TMEM178B: variants seen among roughly 807,000 people sequenced by gnomAD.
TMEM178B encodes the protein transmembrane protein 178B.
TMEM178B carries 5 observed loss-of-function variants against 31.0 expected under a neutral mutation model. The observed-to-expected ratio is 0.16, with a 90% CI of 0.08 to 0.34. The LOEUF is 0.34. TMEM178B is among the 10% of genes least tolerant of loss of function. TMEM178B has a pLI of 1.00. For missense variants in TMEM178B, 275 were observed against 400.3 expected (o/e 0.69, Z 2.67); for synonymous variants, 164 against 164.0 (o/e 1.00, Z 0.00).
intron 1 of TMEM178B, among the ~76,000 whole-genome samples, chr7:141,126,444 T>A (rs1278090249): frequency 6.6e-6 from 1 of 152,266 alleles, no homozygotes; most frequent in East Asian, 1.9e-4. Context: ...GAACCCTTTC[T>A]TAAGATGCAG....
intron 2 of TMEM178B, among the ~76,000 whole-genome samples, chr7:141,335,669 C>T (rs879788294): frequency 2.6e-5 from 4 of 152,196 alleles, no homozygotes; most frequent in Non-Finnish European, 4.4e-5. Context: ...CACCTCTCCC[C>T]CATTAGCGCA....
At chr7:141,373,283 T>C (rs950665198) in intron 2 of TMEM178B, among the ~76,000 whole-genome samples, 2 of 152,136 alleles carry the variant, frequency 1.3e-5, no homozygotes, top group Admixed American at 1.3e-4. Flanking sequence ...AGGTTACAGA[T>C]GAGATGAAGT....
chr7:141,100,150 C>G (rs1795030818), intron 1 of TMEM178B, among the ~76,000 whole-genome samples: 1 of 152,098 alleles, frequency 6.6e-6, no homozygotes, highest in African/African-American at 2.4e-5. Context: ...GACTGCAATC[C>G]TAATCACCTG....
chr7:141,330,887 G>A (rs1035253433), intron 2 of TMEM178B, among the ~76,000 whole-genome samples: 2 of 152,214 alleles, frequency 1.3e-5, no homozygotes, highest in Non-Finnish European at 2.9e-5. Context: ...GAAGGTAGCA[G>A]TGGAGGTCAT....
chr7:141,500,153 T>C, the TMEM178B span, among the ~76,000 whole-genome samples: 1 of 152,234 alleles, frequency 6.6e-6, no homozygotes, highest in Admixed American at 6.5e-5. Context: ...CTTGTTACTA[T>C]TTAACCAAAA....
At chr7:141,511,283 G>A in the TMEM178B span, among the ~76,000 whole-genome samples, 1 of 37,508 alleles carries the variant, frequency 2.7e-5, no homozygotes, top group African/African-American at 8.2e-5. Flanking sequence ...AGTCTCAGAT[G>A]TGGCCCAGAA....
intron 2 of TMEM178B, among the ~76,000 whole-genome samples, chr7:141,359,637 G>A (rs1235659517): frequency 6.6e-6 from 1 of 152,064 alleles, no homozygotes; most frequent in African/African-American, 2.4e-5. Flanking sequence ...TTGTGAATAG[G>A]GAGTGCATTT....
chr7:141,211,632 A>G (rs1797054722), intron 1 of TMEM178B, among the ~76,000 whole-genome samples: 1 of 152,182 alleles, frequency 6.6e-6, no homozygotes, highest in Non-Finnish European at 1.5e-5. Context: ...GCAAGCGTCA[A>G]TAGATATGGC....
chr7:141,494,291 T>C, the TMEM178B span, among the ~76,000 whole-genome samples: 16 of 152,304 alleles, frequency 1.1e-4, no homozygotes, highest in South Asian at 3.1e-3. Flanking sequence ...ACTTTATAAC[T>C]ATTATATACA....
intron 2 of TMEM178B, among the ~76,000 whole-genome samples, chr7:141,239,481 G>T (rs951219993): frequency 2.0e-5 from 3 of 152,172 alleles, no homozygotes; most frequent in Non-Finnish European, 4.4e-5. Context: ...CTGTCATTGG[G>T]TGCCAGCCAT....
At chr7:141,186,251 A>T (rs769817194) in intron 1 of TMEM178B, among the ~76,000 whole-genome samples, 1 of 152,200 alleles carries the variant, frequency 6.6e-6, no homozygotes, top group African/African-American at 2.4e-5. Flanking sequence ...GGTGGTGCCA[A>T]TAGCCCTGGT....
the TMEM178B span, among the ~76,000 whole-genome samples, chr7:141,486,345 A>G: frequency 6.6e-6 from 1 of 152,220 alleles, no homozygotes; most frequent in African/African-American, 2.4e-5. Flanking sequence ...CCCTGACTTC[A>G]TCGCTAATCA....
chr7:141,346,065 C>T (rs1486067182), intron 2 of TMEM178B, among the ~76,000 whole-genome samples: 2 of 151,764 alleles, frequency 1.3e-5, no homozygotes, highest in Non-Finnish European at 2.9e-5. Context: ...ACTAAAAATA[C>T]AAAAAATTAG....
In TMEM178B at chr7:141,400,618, C is replaced by T. The variant is rs149303941; in HGVS notation, c.497-36990C>T. 3.1e-3 allele frequency among the ~76,000 whole-genome samples: 466 copies of T among 152,284 alleles called. 3 individuals carry two copies. Among genetic ancestry groups the T allele is most frequent in the Admixed American group, 5.4e-3 (82 of 15,292 alleles). Reference sequence around the variant, plus strand: ...CTTTACATCAGAGTTAAGTCTTTCACGTAATTCTGTCAAAAGGTGTTTAAA... The same window carrying T: ...CTTTACATCAGAGTTAAGTCTTTCATGTAATTCTGTCAAAAGGTGTTTAAA... On this transcript the variant is annotated intron_variant, in intron 2 of 3. Coordinates refer to ENST00000565468, the MANE Select transcript of TMEM178B (RefSeq NM_001195278.2).
intron 2 of TMEM178B, among the ~76,000 whole-genome samples, chr7:141,302,165 A>T (rs1798738671): frequency 6.6e-6 from 1 of 152,230 alleles, no homozygotes; most frequent in Non-Finnish European, 1.5e-5. Context: ...AAGGTTTTAT[A>T]ACTACTAGTC....
intron 1 of TMEM178B, among the ~76,000 whole-genome samples, chr7:141,116,584 A>T (rs986914071): frequency 6.6e-6 from 1 of 151,906 alleles, no homozygotes; most frequent in East Asian, 1.9e-4. Flanking sequence ...TGTTACATAC[A>T]TATACACGTG....
At chr7:141,180,088 G>A (rs944674702) in intron 1 of TMEM178B, among the ~76,000 whole-genome samples, 1 of 152,188 alleles carries the variant, frequency 6.6e-6, no homozygotes, top group East Asian at 1.9e-4. Flanking sequence ...CCGTGACACA[G>A]TATAGAGAGA....
At chr7:141,127,649 C>T (rs933400353) in intron 1 of TMEM178B, among the ~76,000 whole-genome samples, 9 of 152,160 alleles carry the variant, frequency 5.9e-5, no homozygotes, top group Non-Finnish European at 8.8e-5. Context: ...TTGATTTGGG[C>T]TTCTGGCCTC....
Position 141,455,100 on chromosome 7 carries a change from C to A in TMEM178B, c.635-15436C>A, listed in dbSNP as rs140911366. ...GTTTAGTCCCTGACCTGTTGAGAAG[C>A]TACAGGGATTCTCATTGAAAGAGAT... is the stretch of plus-strand genomic sequence containing the variant. On this transcript the variant is annotated intron_variant, in intron 3 of 3. Transcript: ENST00000565468. Among the ~76,000 whole-genome samples the A allele has an allele frequency of 3.6e-3, 553 of 152,270 alleles. 7 individuals are homozygous for A. The highest frequency in any genetic ancestry group is 0.012 in the African/African-American group (514 of 41,546).
Sources: allele counts gnomAD v4.1 joint callset (sites outside exome capture counted in the v4.1 genomes callset), GRCh38; gene constraint gnomAD v4.1.1; transcripts MANE v1.5; gene names NCBI Gene and HGNC (gene_info 2026-07-23, HGNC 2026-07-21).